CHRNA7: variants seen among roughly 807,000 people sequenced by gnomAD.
CHRNA7 encodes neuronal acetylcholine receptor subunit alpha-7.
Under a neutral mutation model 48.0 loss-of-function variants are expected in CHRNA7, and 17 were observed. The observed-to-expected ratio is 0.35, with a 90% confidence interval of 0.24 to 0.53. The LOEUF is 0.53. Ranked by LOEUF, CHRNA7 falls within the 20% of genes least tolerant of loss-of-function variation. CHRNA7 has a pLI of 0.92. For synonymous variants in CHRNA7, 75 were observed against 242.3 expected (o/e 0.31, Z 6.41); for missense variants, 155 against 577.7 (o/e 0.27, Z 7.50).
At chr15:32,121,974 T>C (rs1268005403) in intron 4 of CHRNA7, among the ~76,000 whole-genome samples, 1 of 152,236 alleles carries the variant, frequency 6.6e-6, no homozygotes, top group Non-Finnish European at 1.5e-5. Flanking sequence ...CCCTGACGCC[T>C]GGCCACAGTC....
At chr15:32,121,970 C>T (rs760686346) in intron 4 of CHRNA7, among the ~76,000 whole-genome samples, 1 of 152,174 alleles carries the variant, frequency 6.6e-6, no homozygotes, top group Non-Finnish European at 1.5e-5. Context: ...CTGTCCCTGA[C>T]GCCTGGCCAC....
At chr15:32,150,681 A>C (rs775847568) in intron 4 of CHRNA7, among the ~76,000 whole-genome samples, 1 of 152,190 alleles carries the variant, frequency 6.6e-6, no homozygotes, top group Non-Finnish European at 1.5e-5. Context: ...TTTCAAATTC[A>C]AAGGAACTAA....
intron 4 of CHRNA7, among the ~76,000 whole-genome samples, chr15:32,143,542 G>T (rs545413169): frequency 6.6e-6 from 1 of 152,254 alleles, no homozygotes; most frequent in Admixed American, 6.5e-5. Flanking sequence ...TTATTATTTT[G>T]TGGGAGTCTA....
rs1005724665 is a variant in CHRNA7 at position 32,149,881 on chromosome 15, T to C, written c.351-4026T>C. Among the ~76,000 whole-genome samples, 30 of 152,136 alleles carry C rather than the reference T, an allele frequency of 2.0e-4. No homozygotes were observed. The highest frequency in any genetic ancestry group is 1.1e-3 in the Admixed American group (17 of 15,292). ...AGAAAGGCTTGTAGGAACTTTTTTT[T>C]TTTCAGAGTTGAATCACTGATCTAA... is the stretch of plus-strand genomic sequence containing the variant. On this transcript the variant is annotated intron_variant, in intron 4 of 9. Coordinates refer to ENST00000306901, the MANE Select transcript of CHRNA7 (RefSeq NM_000746.6). The surrounding 1 kb of genome is among the most constrained non-coding windows in gnomAD (Gnocchi z 4.6).
intron 2 of CHRNA7, among the ~76,000 whole-genome samples, chr15:32,038,071 T>TATAA (rs917564222): frequency 7.5e-5 from 11 of 146,786 alleles, no homozygotes; most frequent in South Asian, 4.2e-4. Context: ...TATATATATA[T>TATAA]AAATATACAT....
chr15:32,152,102 A>T (rs756917874), intron 4 of CHRNA7, among the ~76,000 whole-genome samples: 1 of 152,230 alleles, frequency 6.6e-6, no homozygotes, highest in South Asian at 2.1e-4. Context: ...ACACTTAGAC[A>T]CAGAAGTGAC....
chr15:32,030,902 C>A lies in CHRNA7; in HGVS notation c.60C>A (p.Ser20=). The stretch of plus-strand genomic sequence containing the variant: ...CCCGGGTCTTCTCTCCTTAAGTGTC[C>A]CTGCAAGGCGAGTTCCAGAGGAAGC... The part of the protein sequence containing the change: ...LALAASLLHV[S]LQGEFQRKLY... Residue 20 remains serine, a synonymous_variant, in exon 2 of 10, where the codon TCC becomes TCA. Coordinates refer to ENST00000306901, the MANE Select transcript of CHRNA7 (RefSeq NM_000746.6). The A allele has an allele frequency of 6.2e-7, 1 of 1,613,940 alleles. No individual in the cohort carries two copies. Among genetic ancestry groups the A allele is most frequent in the Non-Finnish European group, 8.5e-7 (1 of 1,179,960 alleles).
Position 32,093,778 on chromosome 15 carries a change from A to G in CHRNA7, c.196-7525A>G, listed in dbSNP as rs887055719. On this transcript the variant is annotated intron_variant, in intron 2 of 9. Coordinates refer to ENST00000306901, the MANE Select transcript of CHRNA7 (RefSeq NM_000746.6). ...AATCACATGCTGACCTGTTGGGAGG[A>G]AAAAAAATATGTATATAAATATACA... is the stretch of plus-strand genomic sequence containing the variant. Among the ~76,000 whole-genome samples, 5 of 152,116 alleles carry G rather than the reference A, an allele frequency of 3.3e-5. No homozygotes were observed. The South Asian group carries it at 6.2e-4, about 19-fold the overall frequency.
chr15:32,101,549 C>A, intron 3 of CHRNA7: 1 of 575,812 alleles, frequency 1.7e-6, no homozygotes, highest in Non-Finnish European at 3.0e-6. Context: ...CTGCAGTGCT[C>A]AACACATGCA....
chr15:32,070,122 A>G (rs2050030513), intron 2 of CHRNA7, among the ~76,000 whole-genome samples: 2 of 152,218 alleles, frequency 1.3e-5, no homozygotes. Flanking sequence ...GTTTAAGTAT[A>G]CAGGTTGATA....
intron 9 of CHRNA7, 125 bp downstream of exon 9, chr15:32,163,460 G>T (rs1384612514): frequency 3.5e-6 from 1 of 289,024 alleles, no homozygotes; most frequent in Non-Finnish European, 6.4e-6. Context: ...TTTTTTGTTT[G>T]TTTTTTTGAG....
At chr15:32,096,435 G>A (rs144367744) in intron 2 of CHRNA7, among the ~76,000 whole-genome samples, 1 of 152,040 alleles carries the variant, frequency 6.6e-6, no homozygotes. Flanking sequence ...ACCTCAGTTT[G>A]TTATGCTGTA....
rs778831795 is a variant in CHRNA7 at position 32,149,524 on chromosome 15, A to G, written c.351-4383A>G. Among the ~76,000 whole-genome samples, 2 of 152,178 alleles carry G rather than the reference A, an allele frequency of 1.3e-5. No individual in the cohort carries two copies. Among genetic ancestry groups the G allele is most frequent in the African/African-American group, 2.4e-5 (1 of 41,442 alleles). The stretch of plus-strand genomic sequence containing the variant: ...TCAAACTCATCTTATCTCCACCCCT[A>G]ATGCTCAAAACAGATAAAGTAGTAT... On this transcript the variant is annotated intron_variant, in intron 4 of 9. Transcript: ENST00000306901. This position sits in a 1 kb window ranked among gnomAD's most constrained non-coding sequence, Gnocchi z 4.6.
rs71113441 is a variant in CHRNA7 at position 32,070,669 on chromosome 15, C to CTTTTTTTTTTTTTTTTTTTTTTTTTTT, written c.196-30625_196-30599dup. 4.9e-5 allele frequency among the ~76,000 whole-genome samples: 2 copies of CTTTTTTTTTTTTTTTTTTTTTTTTTTT among 40,894 alleles called. 1 individual carries two copies. Among genetic ancestry groups the CTTTTTTTTTTTTTTTTTTTTTTTTTTT allele is most frequent in the African/African-American group, 1.9e-4 (2 of 10,772 alleles). 26.8% of individuals were successfully genotyped at this position (40,894 alleles called of 152,430 possible). On this transcript the variant is annotated intron_variant, in intron 2 of 9. Transcript: ENST00000306901. The stretch of plus-strand genomic sequence containing the variant: ...TGTGTGAACATGTGAGGTTTAGTTC[C>CTTTTTTTTTTTTTTTTTTTTTTTTTTT]TTTTTTTTTTTTTTTTTTTTTTTTT...
intron 2 of CHRNA7, among the ~76,000 whole-genome samples, chr15:32,095,943 G>A (rs1448115144): frequency 6.6e-6 from 1 of 152,108 alleles, no homozygotes; most frequent in African/African-American, 2.4e-5. Flanking sequence ...TCTTAAACAG[G>A]TTTCTGTACT....
chr15:32,142,611 A>C (rs1285999763), intron 4 of CHRNA7, among the ~76,000 whole-genome samples: 1 of 152,192 alleles, frequency 6.6e-6, no homozygotes, highest in Admixed American at 6.5e-5. Flanking sequence ...TTGTTAGTCT[A>C]TTCAGAGATT....
intron 2 of CHRNA7, among the ~76,000 whole-genome samples, chr15:32,056,711 T>G (rs2141197888): frequency 6.6e-6 from 1 of 152,350 alleles, no homozygotes; most frequent in South Asian, 2.1e-4. Context: ...TAACAGGCTC[T>G]GTTTCAGGTC....
intron 3 of CHRNA7, among the ~76,000 whole-genome samples, chr15:32,110,716 G>A (rs1314915885): frequency 3.9e-5 from 6 of 152,094 alleles, no homozygotes; most frequent in South Asian, 2.1e-4. Context: ...GTAACTTTGC[G>A]TCAAATTATT....
At chr15:32,065,923 T>G (rs2049958383) in intron 2 of CHRNA7, among the ~76,000 whole-genome samples, 3 of 128,056 alleles carry the variant, frequency 2.3e-5, no homozygotes, top group South Asian at 2.2e-4. Context: ...CTGCGAACAC[T>G]GGGGGCAGAG....
Sources: allele counts gnomAD v4.1 joint callset (sites outside exome capture counted in the v4.1 genomes callset), GRCh38; gene constraint gnomAD v4.1.1; non-coding constraint Gnocchi (gnomAD v3.1); transcripts MANE v1.5; gene names NCBI Gene and HGNC (gene_info 2026-07-23, HGNC 2026-07-21).